The following NETO2 variants were observed in gnomAD, a reference collection of about 807,000 sequenced individuals.
NETO2 encodes neuropilin and tolloid-like protein 2.
NETO2 carries 28 observed loss-of-function variants against 62.5 expected under a neutral mutation model. The observed-to-expected ratio is 0.45, with a 90% CI of 0.33 to 0.61. The LOEUF (loss-of-function observed/expected upper bound fraction) is 0.61, where lower values mean the gene tolerates loss of function less well. Among genes scored for constraint, NETO2 ranks in the 20% least tolerant of loss-of-function variants. NETO2 has a pLI of 0.02. For missense variants in NETO2, 548 were observed against 643.2 expected (o/e 0.85, Z 1.60); for synonymous variants, 214 against 219.1 (o/e 0.98, Z 0.21).
At chr16:47,118,114 T>A (rs1323803617) in intron 6 of NETO2, among the ~76,000 whole-genome samples, 1 of 152,156 alleles carries the variant, frequency 6.6e-6, no homozygotes, top group Non-Finnish European at 1.5e-5. Flanking sequence ...AAAAAATCCC[T>A]GGAGAATGTC....
At chr16:47,094,324 G>A (rs1353229354) in intron 7 of NETO2, among the ~76,000 whole-genome samples, 1 of 147,764 alleles carries the variant, frequency 6.8e-6, no homozygotes, top group Non-Finnish European at 1.5e-5. Context: ...AGATAGAAAA[G>A]CAAAGAAATA....
Position 47,081,007 on chromosome 16 carries a change from T to G in NETO2, c.*2214A>C, listed in dbSNP as rs1203113445. ...TCGTATAAAACTGTGTACTTCTATTTTACTGTTATGTCTTCTTTAAAGGCT... is the reference window on the plus strand; with the variant it reads ...TCGTATAAAACTGTGTACTTCTATTGTACTGTTATGTCTTCTTTAAAGGCT... On this transcript the variant is annotated 3_prime_UTR_variant, in exon 9 of 9. Transcript: ENST00000562435. The G allele has an allele frequency of 1.4e-5, 2 of 147,750 alleles. No individual in the cohort carries two copies. Among genetic ancestry groups the G allele is most frequent in the Non-Finnish European group, 3.0e-5 (2 of 67,634 alleles). 9.2% of individuals were successfully genotyped at this position (147,750 alleles called of 1,614,324 possible). A position where few individuals can be genotyped will look rare whatever the true frequency, so the allele number is the denominator to read the frequency against.
At chr16:47,116,523 G>C (rs1160008013) in intron 6 of NETO2, among the ~76,000 whole-genome samples, 1 of 152,036 alleles carries the variant, frequency 6.6e-6, no homozygotes, top group Non-Finnish European at 1.5e-5. Context: ...AATTAGATTT[G>C]CTAATATTTT....
At chr16:47,115,682 A>C (rs1963896692) in intron 6 of NETO2, among the ~76,000 whole-genome samples, 1 of 128,538 alleles carries the variant, frequency 7.8e-6, no homozygotes, top group Non-Finnish European at 1.6e-5. Context: ...TGCAGCCACC[A>C]TGCCCGGCTA....
chr16:47,102,542 G>T (rs1413392456), intron 7 of NETO2, among the ~76,000 whole-genome samples: 1 of 147,632 alleles, frequency 6.8e-6, no homozygotes, highest in African/African-American at 2.5e-5. Context: ...CTATCCATCT[G>T]ACAAAGGGCT....
intron 7 of NETO2, among the ~76,000 whole-genome samples, chr16:47,091,996 C>T (rs2143822928): frequency 6.6e-6 from 1 of 151,992 alleles, no homozygotes; most frequent in African/African-American, 2.4e-5. Context: ...GTTTGCACCA[C>T]CATGCCCAAC....
At chr16:47,102,695 C>A (rs1016298821) in intron 7 of NETO2, among the ~76,000 whole-genome samples, 2 of 151,776 alleles carry the variant, frequency 1.3e-5, no homozygotes, top group African/African-American at 2.4e-5. Flanking sequence ...TGAAAAAAAG[C>A]TCATCATCAC....
intron 6 of NETO2, among the ~76,000 whole-genome samples, chr16:47,116,142 G>GT (rs150157077): frequency 0.027 from 3,489 of 131,440 alleles, 57 homozygotes; most frequent in African/African-American, 0.045. Flanking sequence ...AGGGTTTTCT[G>GT]TTTTTTTTTT....
chr16:47,085,673 C>T (rs1351079204), intron 8 of NETO2, among the ~76,000 whole-genome samples: 2 of 152,146 alleles, frequency 1.3e-5, no homozygotes, highest in East Asian at 1.9e-4. Context: ...CGTAAGCCAC[C>T]GCGCCTGGCC....
In NETO2 at chr16:47,143,660, G is replaced by T; in HGVS notation, c.-48C>A. The T allele has an allele frequency of 8.2e-7, 1 of 1,218,380 alleles. No individual in the cohort carries two copies. The allele number at this position is 1,218,380 out of a possible 1,614,324, so 75.5% of individuals were successfully genotyped here. ...CGCGAAGGGCTGAGGTAGCGGCGGC[G>T]GTGGCTCGGCGCTCACGGCTCGGCG... On this transcript the variant is annotated 5_prime_UTR_variant, in exon 1 of 9. Coordinates refer to ENST00000562435, the MANE Select transcript of NETO2 (RefSeq NM_018092.5).
chr16:47,083,216 G>A lies in NETO2; in HGVS notation c.*5C>T, dbSNP rs1488516941. On this transcript the variant is annotated 3_prime_UTR_variant, in exon 9 of 9. Transcript: ENST00000562435. ...CTAAGAATTCACATCACCATTAGCA[G>A]AAGATTAGAAGTCAATGGATATGGA... 5 of 1,598,632 alleles carry A rather than the reference G, an allele frequency of 3.1e-6. No homozygotes were observed. Among genetic ancestry groups the A allele is most frequent in the Non-Finnish European group, 4.3e-6 (5 of 1,171,326 alleles).
chr16:47,115,732 C>CGT (rs1963904659), intron 6 of NETO2, among the ~76,000 whole-genome samples: 1 of 134,492 alleles, frequency 7.4e-6, no homozygotes, highest in African/African-American at 3.2e-5. Flanking sequence ...TATATATATA[C>CGT]ATGTATATAT....
At chr16:47,143,478 G>C in intron 1 of NETO2, 101 bp downstream of exon 1, 59 of 1,182,024 alleles carry the variant, frequency 5.0e-5, no homozygotes, top group Non-Finnish European at 6.1e-5. Context: ...GAGGCGCGTC[G>C]GGTCCCGGGC....
chr16:47,099,780 C>T (rs968266883), intron 7 of NETO2, among the ~76,000 whole-genome samples: 20 of 152,136 alleles, frequency 1.3e-4, no homozygotes, highest in Admixed American at 7.9e-4. Context: ...TATATATGCA[C>T]CCAATACAGG....
intron 6 of NETO2, among the ~76,000 whole-genome samples, chr16:47,122,417 G>C (rs1027201493): frequency 6.6e-6 from 1 of 152,020 alleles, no homozygotes; most frequent in South Asian, 2.1e-4. Flanking sequence ...TTTTATAATT[G>C]AGAATCTTAA....
intron 6 of NETO2, among the ~76,000 whole-genome samples, chr16:47,112,796 C>T (rs775260254): frequency 5.9e-5 from 9 of 152,074 alleles, no homozygotes; most frequent in Non-Finnish European, 7.4e-5. Context: ...TTCCAGGTAA[C>T]GCTCCTAAAA....
chr16:47,108,912 T>C (rs970816051), intron 7 of NETO2, among the ~76,000 whole-genome samples: 2 of 152,224 alleles, frequency 1.3e-5, no homozygotes, highest in African/African-American at 2.4e-5. Flanking sequence ...AAAAGATCTA[T>C]GGCATATCTA....
rs892354780 is a variant in NETO2, at chr16:47,078,009, GAC to G, written c.*5210_*5211del. 3.9e-5 allele frequency: 6 copies of G among 152,216 alleles called. No individual in the cohort carries two copies. The East Asian group carries it at 1.2e-3, about 29-fold the overall frequency. 9.4% of individuals were successfully genotyped at this position (152,216 alleles called of 1,614,324 possible). The stretch of plus-strand genomic sequence containing the variant: ...AGCTTGGCTCTCCAGCCCACTCTGT[GAC>G]AGTCCTCACTGCCTCTTCAGTGACC... On this transcript the variant is annotated 3_prime_UTR_variant, in exon 9 of 9. Transcript: ENST00000562435.
At chr16:47,103,772 G>A (rs924383431) in intron 7 of NETO2, among the ~76,000 whole-genome samples, 22 of 151,656 alleles carry the variant, frequency 1.5e-4, no homozygotes, top group Admixed American at 7.9e-4. Flanking sequence ...TACAGTAAGG[G>A]AAAAAAACTA....
Sources: gnomAD v4.1 joint callset for allele counts (sites outside exome capture counted in the v4.1 genomes callset) on GRCh38, gnomAD v4.1.1 for gene constraint, MANE v1.5 for transcripts, NCBI Gene and HGNC (gene_info 2026-07-23, HGNC 2026-07-21) for gene names.